OLFM3: variants seen among roughly 807,000 people sequenced by gnomAD.
OLFM3 encodes noelin-3.
In OLFM3, 20 loss-of-function variants were observed where a neutral mutation model predicts 48.6. The observed-to-expected ratio is 0.41, with a 90% CI of 0.29 to 0.60. The LOEUF (loss-of-function observed/expected upper bound fraction) is 0.60, where lower values mean the gene tolerates loss of function less well. OLFM3 is among the 20% of genes least tolerant of loss of function. The pLI, the probability that OLFM3 is intolerant of heterozygous loss-of-function variation, is 0.28. For synonymous variants in OLFM3, 222 were observed against 198.1 expected (o/e 1.12, Z -1.01); for missense variants, 437 against 544.3 (o/e 0.80, Z 1.96).
chr1:101,982,237 A>G (rs1332578443), intron 1 of OLFM3, among the ~76,000 whole-genome samples: 1 of 152,170 alleles, frequency 6.6e-6, no homozygotes, highest in Non-Finnish European at 1.5e-5. Flanking sequence ...TCCACTTATG[A>G]TTATCATAGG....
rs113793005 is a variant in OLFM3 at position 101,979,376 on chromosome 1, G to A, written c.69+17372C>T. Among the ~76,000 whole-genome samples, 871 of 152,186 alleles carry A rather than the reference G, an allele frequency of 5.7e-3. 5 individuals carry two copies. The highest frequency in any genetic ancestry group is 0.019 in the African/African-American group (800 of 41,524). On this transcript the variant is annotated intron_variant, in intron 1 of 5. Coordinates refer to ENST00000370103, the MANE Select transcript of OLFM3 (RefSeq NM_058170.4). ...GAATTGTAATTCCTATAATCCCCACGTTTCAAGGGTGGGACAAGGTGGAGG... is the reference window on the plus strand; with the variant it reads ...GAATTGTAATTCCTATAATCCCCACATTTCAAGGGTGGGACAAGGTGGAGG...
In OLFM3 at chr1:101,806,217, C is replaced by T. The variant is rs752327892; in HGVS notation, c.593-35G>A. 4.5e-5 allele frequency: 70 copies of T among 1,546,320 alleles called. 1 individual carries two copies. The South Asian group carries it at 5.4e-4, about 12-fold the overall frequency. On this transcript the variant is annotated intron_variant, in intron 4 of 5. Transcript: ENST00000370103. ...GAGAAACACAAACGTGTTAGGTGAA[C>T]GCAGCCAATGATTCCAATACGCATA...
chr1:101,842,427 G>A (rs1413352771), intron 1 of OLFM3, among the ~76,000 whole-genome samples: 1 of 152,004 alleles, frequency 6.6e-6, no homozygotes, highest in Non-Finnish European at 1.5e-5. Flanking sequence ...GCTACTCAGT[G>A]GGGTGAGATG....
intron 1 of OLFM3, among the ~76,000 whole-genome samples, chr1:101,883,253 C>A (rs1350275993): frequency 6.6e-6 from 1 of 150,380 alleles, no homozygotes; most frequent in Non-Finnish European, 1.5e-5. Context: ...AAGATCAAAC[C>A]TGAATATTTG....
chr1:101,848,256 A>G (rs1368579544), intron 1 of OLFM3, among the ~76,000 whole-genome samples: 1 of 152,220 alleles, frequency 6.6e-6, no homozygotes, highest in East Asian at 1.9e-4. Context: ...ATTGGTTACA[A>G]AAAGGAAAAG....
At chr1:101,960,361 G>A in intron 1 of OLFM3, among the ~76,000 whole-genome samples, 1 of 152,172 alleles carries the variant, frequency 6.6e-6, no homozygotes, top group East Asian at 1.9e-4. Flanking sequence ...ACTGCAACAT[G>A]CCGGGAGCTT....
At chr1:101,950,782 A>C (rs1360779554) in intron 1 of OLFM3, among the ~76,000 whole-genome samples, 1 of 152,112 alleles carries the variant, frequency 6.6e-6, no homozygotes. Flanking sequence ...TCTGTCTACT[A>C]GTATCCTCTA....
At chr1:101,931,131 C>T (rs1440967862) in intron 1 of OLFM3, among the ~76,000 whole-genome samples, 1 of 152,084 alleles carries the variant, frequency 6.6e-6, no homozygotes, top group Non-Finnish European at 1.5e-5. Flanking sequence ...GTTTCCAAGC[C>T]ATCTCAATGG....
intron 2 of OLFM3, among the ~76,000 whole-genome samples, chr1:101,832,468 C>G (rs1655208015): frequency 6.6e-6 from 1 of 152,220 alleles, no homozygotes; most frequent in African/African-American, 2.4e-5. Context: ...CCTCTGCTGT[C>G]TTGATCCATC....
intron 1 of OLFM3, among the ~76,000 whole-genome samples, chr1:101,860,367 C>T (rs1379773940): frequency 2.0e-5 from 3 of 152,146 alleles, no homozygotes; most frequent in South Asian, 2.1e-4. Context: ...GTTAACTCAG[C>T]ATGAATAACA....
chr1:101,901,031 A>G, intron 1 of OLFM3, among the ~76,000 whole-genome samples: 1 of 152,152 alleles, frequency 6.6e-6, no homozygotes, highest in Middle Eastern at 3.4e-3. Flanking sequence ...TAATAAGTCA[A>G]TTTCAATAAT....
chr1:101,874,485 AATAAT>A (rs1354924889), intron 1 of OLFM3, among the ~76,000 whole-genome samples: 1 of 141,108 alleles, frequency 7.1e-6, no homozygotes, highest in Non-Finnish European at 1.6e-5. Context: ...TAAGAATTCT[AATAAT>A]ATAATAATAA....
Position 101,946,154 on chromosome 1 carries a change from G to A in OLFM3, c.69+50594C>T, listed in dbSNP as rs145931091. On this transcript the variant is annotated intron_variant, in intron 1 of 5. Transcript: ENST00000370103. ...AGATCACTGAGAAATACTGCAGAAG[G>A]TAAAAGAGAAAAGCAGTGTAAAAAT... is the stretch of plus-strand genomic sequence containing the variant. 2.5e-4 allele frequency among the ~76,000 whole-genome samples: 38 copies of A among 152,056 alleles called. No homozygotes were observed. In the East Asian group the frequency reaches 6.0e-3, roughly 24 times the overall value.
chr1:101,854,182 G>C (rs1166710719), intron 1 of OLFM3, among the ~76,000 whole-genome samples: 1 of 151,930 alleles, frequency 6.6e-6, no homozygotes, highest in Non-Finnish European at 1.5e-5. Flanking sequence ...AAATGGTTTA[G>C]AGAAGATAGA....
chr1:101,936,985 A>C (rs1239952346), intron 1 of OLFM3, among the ~76,000 whole-genome samples: 1 of 152,208 alleles, frequency 6.6e-6, no homozygotes, highest in African/African-American at 2.4e-5. Flanking sequence ...AAAGACATAA[A>C]TGTAAAACTT....
At chr1:101,851,005 G>T (rs897579734) in intron 1 of OLFM3, among the ~76,000 whole-genome samples, 1 of 152,062 alleles carries the variant, frequency 6.6e-6, no homozygotes, top group Admixed American at 6.6e-5. Context: ...AAACCAGAGT[G>T]ACCTCTAGAA....
chr1:101,892,333 C>T (rs773994374), intron 1 of OLFM3, among the ~76,000 whole-genome samples: 2 of 151,916 alleles, frequency 1.3e-5, no homozygotes, highest in Admixed American at 6.6e-5. Context: ...ATATAAGAGA[C>T]CCCAGCAGAC....
intron 1 of OLFM3, among the ~76,000 whole-genome samples, chr1:101,925,646 G>A (rs899740075): frequency 1.8e-4 from 28 of 152,104 alleles, no homozygotes; most frequent in African/African-American, 6.8e-4. Context: ...AGCCTCTTGA[G>A]TAGCTAGGAC....
chr1:101,951,415 T>C (rs1029768061), intron 1 of OLFM3, among the ~76,000 whole-genome samples: 1 of 152,154 alleles, frequency 6.6e-6, no homozygotes, highest in African/African-American at 2.4e-5. Context: ...CTGGTGTATG[T>C]AGCTTAGCCC....
Sources: allele counts gnomAD v4.1 joint callset (sites outside exome capture counted in the v4.1 genomes callset), GRCh38; gene constraint gnomAD v4.1.1; transcripts MANE v1.5; gene names NCBI Gene and HGNC (gene_info 2026-07-23, HGNC 2026-07-21).